The following ALDOA variants were observed in gnomAD, a reference collection of about 807,000 sequenced individuals.
The protein encoded by ALDOA is fructose-bisphosphate aldolase A.
ALDOA carries 26 observed loss-of-function variants against 43.9 expected under a neutral mutation model. That is an observed-to-expected ratio of 0.59 (90% CI 0.43 to 0.82). The LOEUF (loss-of-function observed/expected upper bound fraction) is 0.82. Ranked by LOEUF, ALDOA falls within the 40% of genes least tolerant of loss-of-function variation. The pLI, the probability that ALDOA is intolerant of heterozygous loss-of-function variation, is 0.00. For synonymous variants in ALDOA, 258 were observed against 222.6 expected (o/e 1.16, Z -1.42); for missense variants, 498 against 549.5 (o/e 0.91, Z 0.94).
chr16:30,065,409 G>C (rs2072063177), upstream of ALDOA, among the ~76,000 whole-genome samples: 1 of 152,144 alleles, frequency 6.6e-6, no homozygotes, highest in African/African-American at 2.4e-5. Flanking sequence ...AGCTTCCTTC[G>C]TTTCCGACTT....
intron 3 of ALDOA, 24 bp from the exon 4 acceptor site, chr16:30,067,426 C>T (rs760090607): frequency 8.4e-5 from 135 of 1,613,528 alleles, no homozygotes; most frequent in Non-Finnish European, 1.0e-4. Context: ...GGCTGATCCC[C>T]TAATTCCCAT....
chr16:30,068,979 G>A lies in ALDOA; in HGVS notation c.702+1G>A. The stretch of plus-strand genomic sequence containing the variant: ...CCGTTATGCCAGTATCTGCCAGCAG[G>A]TGGGCCTGCAGGTCCTCAATAGGCA... On this transcript the variant is annotated splice_donor_variant, in intron 6 of 9. Coordinates refer to ENST00000642816, the MANE Select transcript of ALDOA (RefSeq NM_001243177.4). LOFTEE classifies it high-confidence loss of function. The A allele has an allele frequency of 6.2e-7, 1 of 1,614,222 alleles. No homozygotes were observed. Among genetic ancestry groups the A allele is most frequent in the Non-Finnish European group, 8.5e-7 (1 of 1,180,044 alleles).
intron 6 of ALDOA, 133 bp from the exon 7 acceptor site, chr16:30,069,168 TGTCTC>T: frequency 7.5e-7 from 1 of 1,333,492 alleles, no homozygotes. Context: ...AGGCGGCTCT[TGTCTC>T]CTGTAATCTG....
At chr16:30,066,590 C>T (rs924012547) in intron 1 of ALDOA, among the ~76,000 whole-genome samples, 3 of 152,162 alleles carry the variant, frequency 2.0e-5, no homozygotes, top group Non-Finnish European at 2.9e-5. Context: ...TATATTTTTC[C>T]TAATGCCCCT....
At position 30,068,854 on chromosome 16, in the gene ALDOA, A is replaced by G; in HGVS notation, c.578A>G (p.Lys193Arg). 6.2e-7 allele frequency: 1 copy of G among 1,614,214 alleles called. No individual in the cohort carries two copies. Among genetic ancestry groups the G allele is most frequent in the Non-Finnish European group, 8.5e-7 (1 of 1,180,022 alleles). Residue 193 changes from lysine (K) to arginine (R), a missense_variant, in exon 6 of 10, where the codon AAG (lysine) becomes AGG (arginine). By Grantham distance (26) the Lys-to-Arg change is conservative (BLOSUM62 2). Transcript: ENST00000642816. Reference sequence around the variant, plus strand: ...CTGTCTGAGCGCTGTGCCCAGTACAAGAAGGACGGAGCTGACTTCGCCAAG... The same window carrying G: ...CTGTCTGAGCGCTGTGCCCAGTACAGGAAGGACGGAGCTGACTTCGCCAAG... ...DGLSERCAQY[K>R]KDGADFAKWR...
Position 30,069,322 on chromosome 16 carries a change from T to C in ALDOA, c.719T>C (p.Ile240Thr). Residue 240 changes from isoleucine (I) to threonine (T), a missense_variant, in exon 7 of 10, where the codon ATC (isoleucine) becomes ACC (threonine). Ile to Thr is a moderately conservative substitution (Grantham distance 89). Transcript: ENST00000642816. The part of the protein sequence containing the change: ...SICQQNGIVP[I>T]VEPEILPDGD... ...GCCCTGCAGAATGGCATTGTGCCCA[T>C]CGTGGAGCCTGAGATCCTCCCTGAT... 6.2e-7 allele frequency: 1 copy of C among 1,614,182 alleles called. No individual in the cohort carries two copies. The highest frequency in any genetic ancestry group is 8.5e-7 in the Non-Finnish European group (1 of 1,180,036).
Position 30,070,299 on chromosome 16 carries a change from G to A in ALDOA, c.*87G>A. On this transcript the variant is annotated 3_prime_UTR_variant, in exon 10 of 10. Coordinates refer to ENST00000642816, the MANE Select transcript of ALDOA (RefSeq NM_001243177.4). ...GGAGGCCGCCTCCTCGGGGCTCCAG[G>A]CTGGCTTGCCCGCGCTCTTTCTTCC... 7.3e-7 allele frequency: 1 copy of A among 1,372,454 alleles called. No individual in the cohort carries two copies. The highest frequency in any genetic ancestry group is 1.0e-6 in the Non-Finnish European group (1 of 965,108). The allele number at this position is 1,372,454 out of a possible 1,614,324, so 85.0% of individuals were successfully genotyped here.
rs2072285703 is a variant in ALDOA at position 30,070,363 on chromosome 16, AGT to A, written c.*152_*153del. Reference sequence around the variant, plus strand: ...TGTGTGGTGTCGTCTGTGAATGCTAAGTCCATCACCCTTTCCGGCACACTGCC... The same window carrying A: ...TGTGTGGTGTCGTCTGTGAATGCTAACCATCACCCTTTCCGGCACACTGCC... On this transcript the variant is annotated 3_prime_UTR_variant, in exon 10 of 10. Transcript: ENST00000642816. The A allele has an allele frequency of 2.8e-6, 2 of 716,738 alleles. No individual in the cohort carries two copies. Among genetic ancestry groups the A allele is most frequent in the Middle Eastern group, 5.0e-4 (2 of 4,032 alleles). The allele number at this position is 716,738 out of a possible 1,614,324, so 44.4% of individuals were successfully genotyped here.
intron 4 of ALDOA, chr16:30,067,891 G>A: frequency 1.7e-6 from 1 of 596,514 alleles, no homozygotes; most frequent in Non-Finnish European, 3.0e-6. Flanking sequence ...GAAGTGTTTT[G>A]CTCAGAGTAA....
chr16:30,067,644 G>T lies in ALDOA; in HGVS notation c.469G>T (p.Gly157Cys). The part of the protein sequence containing the change: ...PFPQVIKSKG[G>C]VVGIKVDKGV... ...CCCCCAAGTTATCAAATCCAAGGGCGGTGTTGTGGGCATCAAGGTAAGGGG... is the reference window on the plus strand; with the variant it reads ...CCCCCAAGTTATCAAATCCAAGGGCTGTGTTGTGGGCATCAAGGTAAGGGG... The change falls in exon 4 of 10, where the codon GGT (glycine) becomes TGT (cysteine). Residue 157 changes from glycine (G) to cysteine (C), a missense_variant. By Grantham distance (159) the Gly-to-Cys change is radical. Transcript: ENST00000642816. 3.1e-6 allele frequency: 5 copies of T among 1,614,152 alleles called. No homozygotes were observed. The highest frequency in any genetic ancestry group is 4.2e-6 in the Non-Finnish European group (5 of 1,180,030).
In ALDOA at chr16:30,069,657, G is replaced by GC. The variant is rs773601711; in HGVS notation, c.951dup (p.Ala318ArgfsTer14). On this transcript the variant is annotated frameshift_variant, in exon 8 of 10. Coordinates refer to ENST00000642816, the MANE Select transcript of ALDOA (RefSeq NM_001243177.4). LOFTEE classifies it high-confidence loss of function. ...CCGTCACAGCGCTGCGCCGCACAGT[G>GC]CCCCCCGCTGTCACTGGTGAGGCCC... The GC allele has an allele frequency of 5.6e-6, 9 of 1,613,566 alleles. No homozygotes were observed. The highest frequency in any genetic ancestry group is 1.3e-5 in the African/African-American group (1 of 75,034).
In ALDOA at chr16:30,070,107, C is replaced by A; in HGVS notation, c.1162-10C>A. 6.2e-7 allele frequency: 1 copy of A among 1,613,990 alleles called. No individual in the cohort carries two copies. The highest frequency in any genetic ancestry group is 2.2e-5 in the East Asian group (1 of 44,878). On this transcript the variant is annotated splice_polypyrimidine_tract_variant and intron_variant, in intron 9 of 9. Coordinates refer to ENST00000642816, the MANE Select transcript of ALDOA (RefSeq NM_001243177.4). Reference sequence around the variant, plus strand: ...AGAGCCCTTCTCACTCCACCCCTCTCCCTGCTTAGGCCAACAGCCTTGCCT... The same window carrying A: ...AGAGCCCTTCTCACTCCACCCCTCTACCTGCTTAGGCCAACAGCCTTGCCT...
At position 30,068,761 on chromosome 16, in the gene ALDOA, G is replaced by A. The variant is rs529214187; in HGVS notation, c.542-57G>A. On this transcript the variant is annotated intron_variant, in intron 5 of 9. Transcript: ENST00000642816. ...ACCAGAGCAGGTTTGGGTGCTGGGA[G>A]GAGTGGAAACCACATGCCCCTCCCC... 4 of 1,614,178 alleles carry A rather than the reference G, an allele frequency of 2.5e-6. No individual in the cohort carries two copies. In the South Asian group the frequency reaches 4.4e-5, roughly 18 times the overall value.
rs765730475 is a variant in ALDOA at position 30,069,028 on chromosome 16, G to A, written c.702+50G>A. 7.4e-6 allele frequency: 12 copies of A among 1,612,926 alleles called. No individual in the cohort carries two copies. The East Asian group carries it at 1.8e-4, about 24-fold the overall frequency. The stretch of plus-strand genomic sequence containing the variant: ...CAACCTCCTACCTCATTTGGTTCCA[G>A]TGTTGTTAATTTGCCTATTACCTGC... On this transcript the variant is annotated intron_variant, in intron 6 of 9. Coordinates refer to ENST00000642816, the MANE Select transcript of ALDOA (RefSeq NM_001243177.4).
chr16:30,068,772 C>T (rs1368556074), intron 5 of ALDOA, 46 bp from the exon 6 acceptor site: 1 of 1,614,202 alleles, frequency 6.2e-7, no homozygotes, highest in Non-Finnish European at 8.5e-7. Context: ...GAGTGGAAAC[C>T]ACATGCCCCT....
At position 30,067,544 on chromosome 16, in the gene ALDOA, C is replaced by T. The variant is rs565509530; in HGVS notation, c.369C>T (p.Arg123=). The T allele has an allele frequency of 3.2e-5, 52 of 1,613,938 alleles. 1 individual carries two copies. The highest frequency in any genetic ancestry group is 3.3e-4 in the Middle Eastern group (2 of 6,062). Residue 123 remains arginine, a synonymous_variant, in exon 4 of 10, where the codon CGC becomes CGT. Coordinates refer to ENST00000642816, the MANE Select transcript of ALDOA (RefSeq NM_001243177.4). ...YRQLLLTADD[R]VNPCIGGVIL... The stretch of plus-strand genomic sequence containing the variant: ...AGCTGCTGCTGACAGCTGACGACCG[C>T]GTGAACCCCTGCATTGGGGGTGTCA...
rs1304593995 is a variant in ALDOA at position 30,070,151 on chromosome 16, C to T, written c.1196C>T (p.Pro399Leu). ...CTTGCCTGTCAAGGAAAGTACACTC[C>T]GAGCGGTCAGGCTGGGGCTGCTGCC... is the stretch of plus-strand genomic sequence containing the variant. ...NSLACQGKYTPSGQAGAAASE... is the reference protein window; with the variant it reads ...NSLACQGKYTLSGQAGAAASE... Residue 399 changes from proline to leucine, a missense_variant, in exon 10 of 10, where the codon CCG (proline) becomes CTG (leucine). Pro to Leu is a moderately conservative substitution (Grantham distance 98, BLOSUM62 -3). Coordinates refer to ENST00000642816, the MANE Select transcript of ALDOA (RefSeq NM_001243177.4). The T allele has an allele frequency of 6.8e-6, 11 of 1,614,100 alleles. No individual in the cohort carries two copies. Among genetic ancestry groups the T allele is most frequent in the South Asian group, 3.3e-5 (3 of 91,076 alleles).
In ALDOA at chr16:30,067,551, C is replaced by G; in HGVS notation, c.376C>G (p.Pro126Ala). 1.2e-6 allele frequency: 2 copies of G among 1,613,974 alleles called. No homozygotes were observed. The highest frequency in any genetic ancestry group is 8.5e-7 in the Non-Finnish European group (1 of 1,180,034). The change falls in exon 4 of 10, where the codon CCC (proline) becomes GCC (alanine). Residue 126 changes from proline to alanine, a missense_variant. Coordinates refer to ENST00000642816, the MANE Select transcript of ALDOA (RefSeq NM_001243177.4). ...LLLTADDRVN[P>A]CIGGVILFHE... ...GCTGACAGCTGACGACCGCGTGAACCCCTGCATTGGGGGTGTCATCCTCTT... is the reference window on the plus strand; with the variant it reads ...GCTGACAGCTGACGACCGCGTGAACGCCTGCATTGGGGGTGTCATCCTCTT...
Position 30,070,328 on chromosome 16 carries a change from G to C in ALDOA, c.*116G>C, listed in dbSNP as rs901415743. On this transcript the variant is annotated 3_prime_UTR_variant, in exon 10 of 10. Transcript: ENST00000642816. ...GCTTGCCCGCGCTCTTTCTTCCCTC[G>C]TGACAGTGGTGTGTGGTGTCGTCTG... 1 of 918,488 alleles carries C rather than the reference G, an allele frequency of 1.1e-6. No individual in the cohort carries two copies. Among genetic ancestry groups the C allele is most frequent in the Non-Finnish European group, 1.8e-6 (1 of 568,532 alleles). The allele number at this position is 918,488 out of a possible 1,614,324, so 56.9% of individuals were successfully genotyped here. A position where few individuals can be genotyped will look rare whatever the true frequency, so the allele number is the denominator to read the frequency against.
Sources: allele counts gnomAD v4.1 joint callset (sites outside exome capture counted in the v4.1 genomes callset), GRCh38; gene constraint gnomAD v4.1.1; transcripts MANE v1.5; gene names NCBI Gene and HGNC (gene_info 2026-07-23, HGNC 2026-07-21).